The following ADNP2 variants were observed in gnomAD, a reference collection of about 807,000 sequenced individuals.
ADNP2 encodes the protein ADNP homeobox 2, also known as activity-dependent neuroprotector homeobox protein 2.
ADNP2 carries 8 observed loss-of-function variants against 16.4 expected under a neutral mutation model. The ratio of observed to expected loss-of-function variants is 0.49; its 90% CI spans 0.29 to 0.88. ADNP2 has a LOEUF of 0.88. ADNP2 is among the 40% of genes least tolerant of loss of function. The pLI, the probability that ADNP2 is intolerant of heterozygous loss-of-function variation, is 0.09. For missense variants in ADNP2, 1,397 were observed against 1,395.1 expected (o/e 1.00, Z -0.02); for synonymous variants, 637 against 545.8 (o/e 1.17, Z -2.33).
intron 1 of ADNP2, among the ~76,000 whole-genome samples, chr18:80,113,213 A>T (rs908696822): frequency 2.0e-5 from 3 of 152,134 alleles, no homozygotes; most frequent in African/African-American, 7.2e-5. Flanking sequence ...TTATAAAGAA[A>T]ATTTTTAAAT....
chr18:80,119,626 T>G (rs1197661893), intron 2 of ADNP2, among the ~76,000 whole-genome samples: 1 of 152,200 alleles, frequency 6.6e-6, no homozygotes, highest in Non-Finnish European at 1.5e-5. Flanking sequence ...GAGGCTGTTC[T>G]TGTCAGTAGC....
rs765184420 is a variant in ADNP2, at chr18:80,137,180, C to T, written c.1767C>T (p.Asn589=). 18 of 1,614,216 alleles carry T rather than the reference C, an allele frequency of 1.1e-5. No individual in the cohort carries two copies. Among genetic ancestry groups the T allele is most frequent in the Non-Finnish European group, 1.4e-5 (17 of 1,180,028 alleles). ...NQPVRPGASQ[N]TTFLTSGSIL... ...CAGTGAGACCTGGTGCTTCGCAGAA[C>T]ACCACCTTCCTGACATCAGGCTCTA... Residue 589 remains asparagine (N), a synonymous_variant, in exon 4 of 4, where the codon AAC becomes AAT. Transcript: ENST00000262198. This position sits in a 1 kb window ranked among gnomAD's most constrained non-coding sequence, Gnocchi z 4.2.
chr18:80,114,192 CAAA>C (rs138431229), intron 1 of ADNP2, among the ~76,000 whole-genome samples: 1 of 110,284 alleles, frequency 9.1e-6, no homozygotes, highest in Non-Finnish European at 1.8e-5. Flanking sequence ...GACCCTGTCT[CAAA>C]AAAAAAAAAA....
At chr18:80,128,716 C>T (rs973647731) in intron 2 of ADNP2, among the ~76,000 whole-genome samples, 1 of 151,994 alleles carries the variant, frequency 6.6e-6, no homozygotes, top group Non-Finnish European at 1.5e-5. Context: ...CTTGTTAGTT[C>T]TGAATTGACT....
At position 80,119,069 on chromosome 18, in the gene ADNP2, A is replaced by G. The variant is rs182445853; in HGVS notation, c.108+1419A>G. Among the ~76,000 whole-genome samples the G allele has an allele frequency of 7.3e-3, 1,108 of 152,320 alleles. 11 individuals carry two copies. Among genetic ancestry groups the G allele is most frequent in the African/African-American group, 0.019 (782 of 41,566 alleles). ...CCAGAATTAACGTTGTTATATATCT[A>G]TAGATTTTTAAAAACGGGATATATT... On this transcript the variant is annotated intron_variant, in intron 2 of 3. Transcript: ENST00000262198.
At position 80,118,534 on chromosome 18, in the gene ADNP2, A is replaced by T. The variant is rs4798940; in HGVS notation, c.108+884A>T. Among the ~76,000 whole-genome samples, 211 of 152,212 alleles carry T rather than the reference A, an allele frequency of 1.4e-3. 1 individual carries two copies. The highest frequency in any genetic ancestry group is 4.8e-3 in the African/African-American group (201 of 41,514). ...TGCTTTCCCCTTCATTAATAAATGTAGTCTAGGATCAGGTATGTATTTGGT... is the reference window on the plus strand; with the variant it reads ...TGCTTTCCCCTTCATTAATAAATGTTGTCTAGGATCAGGTATGTATTTGGT... On this transcript the variant is annotated intron_variant, in intron 2 of 3. Coordinates refer to ENST00000262198, the MANE Select transcript of ADNP2 (RefSeq NM_014913.4).
rs781043199 is a variant in ADNP2 at position 80,138,245 on chromosome 18, C to T, written c.2832C>T (p.Asp944=). 1.9e-6 allele frequency: 3 copies of T among 1,614,158 alleles called. No individual in the cohort carries two copies. The highest frequency in any genetic ancestry group is 2.5e-6 in the Non-Finnish European group (3 of 1,180,046). The change falls in exon 4 of 4, where the codon GAC becomes GAT. Residue 944 remains aspartate, a synonymous_variant. Transcript: ENST00000262198. ...TGCGCTGCAGAAGTGCTCCCAAGGACAGCAGCTCAGACCTGCAGGCCCAGC... is the reference window on the plus strand; with the variant it reads ...TGCGCTGCAGAAGTGCTCCCAAGGATAGCAGCTCAGACCTGCAGGCCCAGC... The part of the protein sequence containing the change: ...HLVRCRSAPK[D]SSSDLQAQPG...
intron 2 of ADNP2, among the ~76,000 whole-genome samples, chr18:80,118,450 T>C (rs1212115193): frequency 1.3e-5 from 2 of 151,984 alleles, no homozygotes; most frequent in Non-Finnish European, 2.9e-5. Context: ...AAAAAGTTCT[T>C]ATATATCCTT....
Position 80,137,316 on chromosome 18 carries a change from G to T in ADNP2, c.1903G>T (p.Ala635Ser), listed in dbSNP as rs756779089. The T allele has an allele frequency of 7.4e-6, 12 of 1,613,744 alleles. No individual in the cohort carries two copies. In the South Asian group the frequency reaches 1.3e-4, roughly 18 times the overall value. Residue 635 changes from alanine to serine, a missense_variant, in exon 4 of 4, where the codon GCT becomes TCT. By Grantham distance (99) the Ala-to-Ser change is moderately conservative. This residue lies in a region of ADNP2 where 611 missense variants were observed against 648.7 expected (regional missense o/e 0.94). Coordinates refer to ENST00000262198, the MANE Select transcript of ADNP2 (RefSeq NM_014913.4). This position sits in a 1 kb window ranked among gnomAD's most constrained non-coding sequence, Gnocchi z 4.2. ...TCCCCCTGGAGGCCTTGCGACTGTC[G>T]CTCCGCCCCAGATGCCCATCCAGCT... ...PVPPGGLATV[A>S]PPQMPIQLLP...
At position 80,136,324 on chromosome 18, in the gene ADNP2, C is replaced by T. The variant is rs1158281494; in HGVS notation, c.911C>T (p.Ala304Val). 6.2e-7 allele frequency: 1 copy of T among 1,614,004 alleles called. No homozygotes were observed. Among genetic ancestry groups the T allele is most frequent in the East Asian group, 2.2e-5 (1 of 44,892 alleles). The change falls in exon 4 of 4, where the codon GCC (alanine) becomes GTC (valine). Residue 304 changes from alanine (A) to valine (V), a missense_variant. This residue lies in a region of ADNP2 where 777 missense variants were observed against 719.4 expected (regional missense o/e 1.08). Coordinates refer to ENST00000262198, the MANE Select transcript of ADNP2 (RefSeq NM_014913.4). ...LALPQNSPSP[A>V]AGQPVTVAQG... is the part of the protein sequence containing the mutation. ...TTGCCACAGAACAGTCCAAGCCCAG[C>T]CGCAGGACAGCCAGTGACTGTGGCC...
At chr18:80,115,216 C>T (rs2052381668) in intron 1 of ADNP2, among the ~76,000 whole-genome samples, 1 of 152,172 alleles carries the variant, frequency 6.6e-6, no homozygotes, top group Admixed American at 6.5e-5. Context: ...CGTATCTGGC[C>T]TATGGGAGCC....
chr18:80,134,559 T>C (rs1339668073), intron 3 of ADNP2, among the ~76,000 whole-genome samples: 2 of 152,024 alleles, frequency 1.3e-5, no homozygotes, highest in African/African-American at 4.8e-5. Flanking sequence ...GGGGAGCAGG[T>C]GTTTTGTGTT....
Position 80,137,385 on chromosome 18 carries a change from G to A in ADNP2, c.1972G>A (p.Gly658Ser), listed in dbSNP as rs572333470. 83 of 1,614,108 alleles carry A rather than the reference G, an allele frequency of 5.1e-5. No individual in the cohort carries two copies. Among genetic ancestry groups the A allele is most frequent in the South Asian group, 1.8e-4 (16 of 91,086 alleles). The change falls in exon 4 of 4, where the codon GGC (glycine) becomes AGC (serine). Residue 658 changes from glycine (G) to serine (S), a missense_variant. Gly to Ser is a moderately conservative substitution (Grantham distance 56). Around this residue, in one of 3 missense-constraint regions of ADNP2, gnomAD observed 611 missense variants for 648.7 expected, o/e 0.94. Transcript: ENST00000262198. The surrounding 1 kb of genome is among the most constrained non-coding windows in gnomAD (Gnocchi z 4.2). ...TGCACCAATGGCCGGTTCCATGCCC[G>A]GCATGCCCTCTCCTCCAGTGCTGGT... ...AAAPMAGSMP[G>S]MPSPPVLVNA...
rs959360496 is a variant in ADNP2, at chr18:80,111,909, A to T, written c.-14+2437A>T. 4.6e-5 allele frequency among the ~76,000 whole-genome samples: 7 copies of T among 152,218 alleles called. No individual in the cohort carries two copies. In the South Asian group the frequency reaches 8.3e-4, roughly 18 times the overall value. On this transcript the variant is annotated intron_variant, in intron 1 of 3. Transcript: ENST00000262198. ...AATATCCTTACGAGATCATTATACT[A>T]AAAAATCCCCAGAGAAGTCCTTTAT...
chr18:80,136,573 C>T lies in ADNP2; in HGVS notation c.1160C>T (p.Thr387Ile). 1.2e-6 allele frequency: 2 copies of T among 1,614,248 alleles called. No homozygotes were observed. Among genetic ancestry groups the T allele is most frequent in the Non-Finnish European group, 1.7e-6 (2 of 1,180,052 alleles). ...PVGPVNKSVG[T>I]SVLPINQTVR... ...GGACCTGTCAATAAGTCTGTTGGAA[C>T]TAGTGTCCTCCCCATAAATCAGACT... The change falls in exon 4 of 4, where the codon ACT becomes ATT. Residue 387 changes from threonine (T) to isoleucine (I), a missense_variant. By Grantham distance (89) the Thr-to-Ile change is moderately conservative. Coordinates refer to ENST00000262198, the MANE Select transcript of ADNP2 (RefSeq NM_014913.4).
Position 80,136,824 on chromosome 18 carries a change from G to T in ADNP2, c.1411G>T (p.Ala471Ser). The T allele has an allele frequency of 6.2e-7, 1 of 1,613,970 alleles. No homozygotes were observed. Among genetic ancestry groups the T allele is most frequent in the Non-Finnish European group, 8.5e-7 (1 of 1,179,936 alleles). Residue 471 changes from alanine (A) to serine (S), a missense_variant, in exon 4 of 4, where the codon GCA becomes TCA. Transcript: ENST00000262198. Reference protein sequence around the residue: ...TPAGVIPGQTATSGVLPTGQM... With the variant: ...TPAGVIPGQTSTSGVLPTGQM... ...TGCAGGGGTTATCCCTGGGCAAACA[G>T]CAACTTCTGGGGTTCTTCCTACTGG...
In ADNP2 at chr18:80,137,455, C is replaced by T. The variant is rs767167558; in HGVS notation, c.2042C>T (p.Ala681Val). ...TTTGTTCAGGCCTCCTCCTCTGCAG[C>T]AGACACAAACCAGGTGCTCAAACAG... ...SVFVQASSSA[A>V]DTNQVLKQAK... The change falls in exon 4 of 4, where the codon GCA becomes GTA. Residue 681 changes from alanine (A) to valine (V), a missense_variant. Around this residue, in one of 3 missense-constraint regions of ADNP2, gnomAD observed 611 missense variants for 648.7 expected, o/e 0.94. Coordinates refer to ENST00000262198, the MANE Select transcript of ADNP2 (RefSeq NM_014913.4). This position sits in a 1 kb window ranked among gnomAD's most constrained non-coding sequence, Gnocchi z 4.2. The T allele has an allele frequency of 1.2e-6, 2 of 1,614,236 alleles. No homozygotes were observed. Among genetic ancestry groups the T allele is most frequent in the East Asian group, 2.2e-5 (1 of 44,876 alleles).
chr18:80,135,834 A>G lies in ADNP2; in HGVS notation c.421A>G (p.Ile141Val). The G allele has an allele frequency of 1.2e-6, 2 of 1,614,238 alleles. No homozygotes were observed. The highest frequency in any genetic ancestry group is 1.7e-6 in the Non-Finnish European group (2 of 1,180,046). The change falls in exon 4 of 4, where the codon ATT becomes GTT. Residue 141 changes from isoleucine (I) to valine (V), a missense_variant. This residue lies in a region of ADNP2 where 777 missense variants were observed against 719.4 expected (regional missense o/e 1.08). Transcript: ENST00000262198. ...GAAAGTCCAGAACTACACAGTGAAT[A>G]TTTTAGGTGAAACTAAATCATCTAG... ...VRKVQNYTVNILGETKSSRSD... is the reference protein window; with the variant it reads ...VRKVQNYTVNVLGETKSSRSD...
intron 2 of ADNP2, among the ~76,000 whole-genome samples, chr18:80,121,338 C>A (rs1432247892): frequency 6.6e-6 from 1 of 152,150 alleles, no homozygotes; most frequent in Non-Finnish European, 1.5e-5. Context: ...ATTTGTATAT[C>A]TTCTTTGGAA....
Sources: gnomAD v4.1 joint callset for allele counts (sites outside exome capture counted in the v4.1 genomes callset) on GRCh38, gnomAD v4.1.1 for gene constraint, gnomAD v4.1.1 regional missense constraint, Gnocchi (gnomAD v3.1) non-coding constraint, MANE v1.5 for transcripts, NCBI Gene and HGNC (gene_info 2026-07-23, HGNC 2026-07-21) for gene names.